CCDC171: variants seen among roughly 807,000 people sequenced by gnomAD.
The protein encoded by CCDC171 is coiled-coil domain-containing protein 171.
In CCDC171, 177 loss-of-function variants were observed where a neutral mutation model predicts 168.2. The observed-to-expected ratio is 1.05, with a 90% CI of 0.93 to 1.19. CCDC171 has a LOEUF of 1.19. Ranked by LOEUF, CCDC171 falls within the 50% of genes most tolerant of loss-of-function variation. CCDC171 has a pLI of 0.00. For synonymous variants in CCDC171, 687 were observed against 540.8 expected (o/e 1.27, Z -3.75); for missense variants, 1,991 against 1,539.0 (o/e 1.29, Z -4.91).
At chr9:16,025,605 G>A (rs1281638795) in intron 6 of CCDC171, among the ~76,000 whole-genome samples, 1 of 152,162 alleles carries the variant, frequency 6.6e-6, no homozygotes, top group Non-Finnish European at 1.5e-5. Flanking sequence ...ATATGATTCA[G>A]CCATTAAAAG....
chr9:15,731,666 T>C (rs941874055), intron 16 of CCDC171, among the ~76,000 whole-genome samples: 1 of 152,150 alleles, frequency 6.6e-6, no homozygotes, highest in African/African-American at 2.4e-5. Flanking sequence ...ACAAACATTA[T>C]TGTACAAGTC....
chr9:15,909,112 C>T (rs1210232864), intron 24 of CCDC171, among the ~76,000 whole-genome samples: 1 of 152,028 alleles, frequency 6.6e-6, no homozygotes, highest in Admixed American at 6.6e-5. Flanking sequence ...AAAGCTTATC[C>T]AATCATATTT....
At chr9:15,749,058 T>A (rs2055515488) in intron 18 of CCDC171, among the ~76,000 whole-genome samples, 2 of 151,748 alleles carry the variant, frequency 1.3e-5, no homozygotes. Context: ...TGGTGTGCTG[T>A]ATTCAGGAGA....
chr9:15,833,938 C>T (rs565290092), intron 21 of CCDC171, among the ~76,000 whole-genome samples: 4 of 152,240 alleles, frequency 2.6e-5, no homozygotes, highest in Non-Finnish European at 5.9e-5. Context: ...TTGAGAATGA[C>T]AATACTGTAG....
chr9:15,869,026 T>C (rs1323399972), intron 23 of CCDC171, among the ~76,000 whole-genome samples: 2 of 152,058 alleles, frequency 1.3e-5, no homozygotes, highest in Non-Finnish European at 2.9e-5. Flanking sequence ...ATGTAAGTGC[T>C]ATCTAAATTA....
intron 1 of CCDC171, among the ~76,000 whole-genome samples, chr9:15,562,380 C>T (rs897857689): frequency 1.3e-5 from 2 of 152,088 alleles, no homozygotes; most frequent in African/African-American, 4.8e-5. Context: ...ATAAGAGTGG[C>T]ATCCCTTCAT....
chr9:15,858,962 A>G (rs780013687), intron 23 of CCDC171, among the ~76,000 whole-genome samples: 1 of 152,044 alleles, frequency 6.6e-6, no homozygotes, highest in South Asian at 2.1e-4. Flanking sequence ...TACCTTGTTC[A>G]TGATTTTAGA....
At chr9:15,673,813 T>C (rs1030665174) in intron 9 of CCDC171, among the ~76,000 whole-genome samples, 1 of 152,192 alleles carries the variant, frequency 6.6e-6, no homozygotes, top group Non-Finnish European at 1.5e-5. Flanking sequence ...AATTCTCTTT[T>C]TTTGTTGTGT....
chr9:15,643,609 A>C (rs554728118), intron 7 of CCDC171, among the ~76,000 whole-genome samples: 1 of 152,328 alleles, frequency 6.6e-6, no homozygotes, highest in East Asian at 1.9e-4. Context: ...AAAGTATACA[A>C]TTCAATGCTT....
intron 6 of CCDC171, among the ~76,000 whole-genome samples, chr9:16,030,181 A>G (rs1289611060): frequency 5.9e-5 from 9 of 152,196 alleles, no homozygotes; most frequent in Non-Finnish European, 1.3e-4. Context: ...GTATCAACAC[A>G]TACATTTTGA....
chr9:15,725,204 A>C (rs1052128451), intron 14 of CCDC171, among the ~76,000 whole-genome samples: 14 of 152,172 alleles, frequency 9.2e-5, no homozygotes, highest in Admixed American at 2.0e-4. Flanking sequence ...TCATGTGTAC[A>C]ACTATCTTTT....
chr9:15,998,900 C>T (rs1318352607), intron 3 of CCDC171, among the ~76,000 whole-genome samples: 1 of 152,190 alleles, frequency 6.6e-6, no homozygotes, highest in African/African-American at 2.4e-5. Flanking sequence ...TGGGTCTGTA[C>T]TGTAGCAACT....
chr9:15,613,385 C>G (rs1231552628), intron 6 of CCDC171, among the ~76,000 whole-genome samples: 3 of 151,954 alleles, frequency 2.0e-5, no homozygotes, highest in Non-Finnish European at 4.4e-5. Flanking sequence ...GAGCATATTT[C>G]TGGTAAAAAA....
At chr9:16,002,825 G>C (rs1017695232) in intron 3 of CCDC171, among the ~76,000 whole-genome samples, 3 of 152,050 alleles carry the variant, frequency 2.0e-5, no homozygotes, top group Non-Finnish European at 4.4e-5. Context: ...CTGTACTTTT[G>C]CTATGTTGAG....
At chr9:15,626,109 G>T (rs901475350) in intron 7 of CCDC171, among the ~76,000 whole-genome samples, 1 of 151,172 alleles carries the variant, frequency 6.6e-6, no homozygotes, top group Non-Finnish European at 1.5e-5. Context: ...CTCATGATAT[G>T]GCTGTTTGTC....
chr9:15,744,901 CT>C, intron 17 of CCDC171, 124 bp downstream of exon 17: 1 of 868,244 alleles, frequency 1.2e-6, no homozygotes, highest in Non-Finnish European at 1.7e-6. Flanking sequence ...ATAACATAGT[CT>C]CCATATGTAC....
downstream of CCDC171, among the ~76,000 whole-genome samples, chr9:15,978,420 G>A (rs1030203105): frequency 6.6e-6 from 1 of 151,496 alleles, no homozygotes; most frequent in Non-Finnish European, 1.5e-5. Flanking sequence ...CGACAGGTGG[G>A]GCTACACAGA....
chr9:15,639,470 A>G (rs558694279), intron 7 of CCDC171, among the ~76,000 whole-genome samples: 8 of 152,094 alleles, frequency 5.3e-5, no homozygotes, highest in African/African-American at 9.6e-5. Flanking sequence ...TCTGTTCCTG[A>G]TATTTCTTAT....
rs894041885 is a variant in CCDC171 at position 15,973,622 on chromosome 9, G to A, written c.*1786G>A. ...CTTGGAATTATTTTTAATATGACCTGTGTAACATGACCTGTATGAAATTCA... is the reference window on the plus strand; with the variant it reads ...CTTGGAATTATTTTTAATATGACCTATGTAACATGACCTGTATGAAATTCA... On this transcript the variant is annotated 3_prime_UTR_variant, in exon 26 of 26. Transcript: ENST00000380701. The A allele has an allele frequency of 6.6e-6, 1 of 152,072 alleles. No homozygotes were observed. Among genetic ancestry groups the A allele is most frequent in the Non-Finnish European group, 1.5e-5 (1 of 68,012 alleles). The allele number at this position is 152,072 out of a possible 1,614,324, so 9.4% of individuals were successfully genotyped here. A position where few individuals can be genotyped will look rare whatever the true frequency, so the allele number is the denominator to read the frequency against.
Sources: allele counts gnomAD v4.1 joint callset (sites outside exome capture counted in the v4.1 genomes callset), GRCh38; gene constraint gnomAD v4.1.1; transcripts MANE v1.5; gene names NCBI Gene and HGNC (gene_info 2026-07-23, HGNC 2026-07-21).